The following DMD variants were observed in gnomAD, a reference collection of about 807,000 sequenced individuals.
DMD encodes dystrophin.
DMD carries 63 observed loss-of-function variants against 330.1 expected under a neutral mutation model. The observed-to-expected ratio is 0.19, with a 90% confidence interval of 0.16 to 0.24. The LOEUF (loss-of-function observed/expected upper bound fraction) is 0.24, where lower values mean the gene tolerates loss of function less well. Among genes scored for constraint, DMD ranks in the 10% least tolerant of loss-of-function variants. The pLI is 1.00. For missense variants in DMD, 3,344 were observed against 2,684.1 expected, an observed-to-expected ratio of 1.25 and a Z score of -5.43; for synonymous variants, 1,223 against 959.8, an observed-to-expected ratio of 1.27 and a Z score of -5.07.
chrX:31,357,957 CAG>C (rs1370707958), intron 60 of DMD, among the ~76,000 whole-genome samples: 2 of 111,801 alleles, frequency 1.8e-5, no homozygotes, highest in Non-Finnish European at 3.8e-5. Context: ...TAGTAAAGGA[CAG>C]GGGATGGAGC....
intron 48 of DMD, among the ~76,000 whole-genome samples, chrX:31,859,801 G>A (rs1440502988): frequency 1.8e-5 from 2 of 112,449 alleles, no homozygotes; most frequent in African/African-American, 3.2e-5. Context: ...CAAGTGCAGA[G>A]CATGTCTGAA....
intron 48 of DMD, among the ~76,000 whole-genome samples, chrX:31,861,946 T>TATAC (rs535459357): frequency 1.1e-5 from 1 of 87,966 alleles, no homozygotes; most frequent in East Asian, 3.7e-4. Flanking sequence ...GAAAATAATA[T>TATAC]ACACACACAC....
intron 62 of DMD, among the ~76,000 whole-genome samples, chrX:31,309,871 C>G (rs2055336638): frequency 9.0e-6 from 1 of 111,709 alleles, no homozygotes; most frequent in Non-Finnish European, 1.9e-5. Context: ...GAAAAACGTT[C>G]ATGTAGCTAT....
intron 9 of DMD, among the ~76,000 whole-genome samples, chrX:32,669,917 C>T (rs1384991155): frequency 9.0e-6 from 1 of 111,410 alleles, no homozygotes; most frequent in Non-Finnish European, 1.9e-5. Flanking sequence ...CTCTCCTACT[C>T]CTCCTCCCCT....
intron 1 of DMD, among the ~76,000 whole-genome samples, chrX:33,298,458 C>T (rs1267522669): frequency 2.7e-5 from 3 of 111,793 alleles, no homozygotes; most frequent in Admixed American, 9.6e-5. Context: ...GAGAAAACTA[C>T]ACAAATATTT....
intron 9 of DMD, among the ~76,000 whole-genome samples, chrX:32,659,066 T>C (rs141547675): frequency 0.011 from 1,187 of 112,109 alleles, 21 homozygotes; most frequent in African/African-American, 0.036. Context: ...TGCCTCATTG[T>C]TTTTATTTAG....
chrX:32,260,577 A>G (rs914566688), intron 43 of DMD, among the ~76,000 whole-genome samples: 3 of 111,620 alleles, frequency 2.7e-5, no homozygotes, highest in African/African-American at 9.8e-5. Flanking sequence ...AGAAATTTGA[A>G]TCTAGAATTG....
intron 67 of DMD, among the ~76,000 whole-genome samples, chrX:31,185,922 C>A (rs2041732508): frequency 1.8e-5 from 2 of 111,922 alleles, no homozygotes; most frequent in Admixed American, 1.9e-4. Flanking sequence ...ATTCCACAGC[C>A]AATTTCAGTT....
At chrX:31,811,142 A>C (rs752407524) in intron 50 of DMD, among the ~76,000 whole-genome samples, 1 of 112,225 alleles carries the variant, frequency 8.9e-6, no homozygotes, top group African/African-American at 3.2e-5. Context: ...AACTACCAAA[A>C]GGTTAAGAGA....
rs55898363 is a variant in DMD, at chrX:32,809,919, C to CAA, written c.531-310_531-309dup. Among the ~76,000 whole-genome samples, 205 of 28,633 alleles carry CAA rather than the reference C, an allele frequency of 7.2e-3. 5 individuals are homozygous for CAA. The highest frequency in any genetic ancestry group is 0.011 in the African/African-American group (82 of 7,448). The allele number at this position is 28,633 out of a possible 115,157, so 24.9% of individuals were successfully genotyped here. On this transcript the variant is annotated intron_variant, in intron 6 of 78. Coordinates refer to ENST00000357033, the MANE Select transcript of DMD (RefSeq NM_004006.3). ...CAATTTGGTGAAACCTTGTTTCTAC[C>CAA]AAAAAAAAAAAAAAAAAAAAAAAAA...
intron 2 of DMD, among the ~76,000 whole-genome samples, chrX:32,974,020 G>GA (rs1333137853): frequency 3.6e-5 from 4 of 110,380 alleles, no homozygotes; most frequent in East Asian, 2.8e-4. Flanking sequence ...CAAAAAGTGG[G>GA]AAAAAAAAGC....
intron 2 of DMD, among the ~76,000 whole-genome samples, chrX:33,002,122 A>G (rs1015027321): frequency 2.7e-5 from 3 of 110,932 alleles, no homozygotes; most frequent in African/African-American, 9.8e-5. Flanking sequence ...GGCATAGTTG[A>G]TCCCAGCACC....
In DMD at chrX:31,201,364, C is replaced by A. The variant is rs111284555; in HGVS notation, c.9807+2597G>T. Among the ~76,000 whole-genome samples the A allele has an allele frequency of 4.0e-3, 444 of 112,367 alleles. 3 individuals are homozygous for A. Among genetic ancestry groups the A allele is most frequent in the African/African-American group, 0.013 (405 of 30,965 alleles). On this transcript the variant is annotated intron_variant, in intron 67 of 78. Transcript: ENST00000357033. Reference sequence around the variant, plus strand: ...CTCCAGCCTGGGTGACGAAGTTAGACCCCTTCTGAAAACAAAACAAAACAC... The same window carrying A: ...CTCCAGCCTGGGTGACGAAGTTAGAACCCTTCTGAAAACAAAACAAAACAC...
chrX:32,215,890 A>T (rs1410766343), intron 44 of DMD, among the ~76,000 whole-genome samples: 1 of 112,305 alleles, frequency 8.9e-6, no homozygotes, highest in African/African-American at 3.2e-5. Context: ...CAAGGTTTTA[A>T]AAATATTTTC....
intron 1 of DMD, among the ~76,000 whole-genome samples, chrX:33,266,936 A>C (rs1016006420): frequency 1.8e-5 from 2 of 111,067 alleles, no homozygotes; most frequent in African/African-American, 6.5e-5. Flanking sequence ...GAACTGGAAC[A>C]AAACAAGGAT....
intron 52 of DMD, among the ~76,000 whole-genome samples, chrX:31,706,686 T>G (rs1402537387): frequency 8.9e-6 from 1 of 112,236 alleles, no homozygotes; most frequent in African/African-American, 3.2e-5. Context: ...TGTTAGTCAC[T>G]GTAGGCAGAA....
At chrX:33,025,594 C>G (rs776424184) in intron 1 of DMD, among the ~76,000 whole-genome samples, 4 of 112,183 alleles carry the variant, frequency 3.6e-5, no homozygotes, top group Non-Finnish European at 5.6e-5. Flanking sequence ...GCTCTGTTCC[C>G]CAGGCTGGAG....
chrX:32,201,009 C>T (rs2097033196), intron 44 of DMD, among the ~76,000 whole-genome samples: 1 of 111,683 alleles, frequency 9.0e-6, no homozygotes, highest in Non-Finnish European at 1.9e-5. Context: ...GTGTTGATGT[C>T]ATATTGTTAT....
chrX:31,431,441 C>A (rs12688116), intron 60 of DMD, among the ~76,000 whole-genome samples: 16,769 of 110,560 alleles, frequency 0.15, 1,184 homozygotes, highest in East Asian at 0.39. Context: ...CTTGTTGCCC[C>A]GGCTGGAGTG....
Sources: allele counts gnomAD v4.1 joint callset (sites outside exome capture counted in the v4.1 genomes callset), GRCh38; gene constraint gnomAD v4.1.1; transcripts MANE v1.5; gene names NCBI Gene and HGNC (gene_info 2026-07-23, HGNC 2026-07-21).